Variants in TNXB observed in about 807,000 individuals in gnomAD.
TNXB encodes the protein tenascin XB, also known as tenascin-X.
A neutral mutation model predicts 340.5 loss-of-function variants in TNXB; 183 were observed. That is an observed-to-expected ratio of 0.54 (90% CI 0.48 to 0.61). TNXB has a LOEUF of 0.61. Ranked by LOEUF, TNXB falls within the 20% of genes least tolerant of loss-of-function variation. The pLI is 0.00. For synonymous variants in TNXB, 2,121 were observed against 2,314.5 expected, an observed-to-expected ratio of 0.92 and a Z score of 2.40; for missense variants, 4,613 against 5,446.4, an observed-to-expected ratio of 0.85 and a Z score of 4.82.
At position 32,056,051 on chromosome 6, in the gene TNXB, C is replaced by T; in HGVS notation, c.8267G>A (p.Trp2756Ter). ...GSSPDSLSLSWTIPQGHFDSF... is the reference protein window; with the variant it reads ...GSSPDSLSLS ...GTCGAAGTGGCCCTGGGGGATGGTC[C>T]AGGAGAGGCTCAGCGAGTCAGGGGA... is the stretch of plus-strand genomic sequence containing the variant. Residue 2756 changes from tryptophan to a stop codon, truncating the protein, a stop_gained, in exon 24 of 44, where the codon TGG (tryptophan) becomes TAG (stop). Coordinates refer to ENST00000644971, the MANE Select transcript of TNXB (RefSeq NM_001365276.2). LOFTEE classifies it high-confidence loss of function. 6.2e-7 allele frequency: 1 copy of T among 1,612,854 alleles called. No homozygotes were observed. Among genetic ancestry groups the T allele is most frequent in the Non-Finnish European group, 8.5e-7 (1 of 1,179,860 alleles).
chr6:32,069,015 C>T lies in TNXB; in HGVS notation c.5709G>A (p.Val1903=). ...TSHTLHLSWM[V]TEGEFDSFEI... ...CGAAGGAGTCAAATTCTCCCTCAGTCACCATCCAGGAGAGATGCAGGGTGT... is the reference window on the plus strand; with the variant it reads ...CGAAGGAGTCAAATTCTCCCTCAGTTACCATCCAGGAGAGATGCAGGGTGT... Residue 1903 remains valine (V), a synonymous_variant, in exon 16 of 44, where the codon GTG becomes GTA. Coordinates refer to ENST00000644971, the MANE Select transcript of TNXB (RefSeq NM_001365276.2). The surrounding 1 kb of genome is among the most constrained non-coding windows in gnomAD (Gnocchi z 6.2). The T allele has an allele frequency of 6.2e-7, 1 of 1,612,894 alleles. No homozygotes were observed.
chr6:32,104,904 T>A (rs888028270), intron 1 of TNXB, among the ~76,000 whole-genome samples: 1 of 152,220 alleles, frequency 6.6e-6, no homozygotes, highest in African/African-American at 2.4e-5. Flanking sequence ...CCCAATGTGC[T>A]GGGATTACAG....
In TNXB at chr6:32,046,596, C is replaced by T; in HGVS notation, c.10325-140G>A. ...ACAGCTCCTTGAGGAGACACACAGG[C>T]CTGCTCCCGCCATGCCCCACAGGAA... is the stretch of plus-strand genomic sequence containing the variant. On this transcript the variant is annotated intron_variant, in intron 30 of 43. Transcript: ENST00000644971. The surrounding 1 kb of genome is among the most constrained non-coding windows in gnomAD (Gnocchi z 6.9). 2 of 669,432 alleles carry T rather than the reference C, an allele frequency of 3.0e-6. No individual in the cohort carries two copies. The highest frequency in any genetic ancestry group is 4.7e-6 in the Non-Finnish European group (2 of 425,574). The allele number at this position is 669,432 out of a possible 1,614,324, so 41.5% of individuals were successfully genotyped here.
chr6:32,061,663 G>C lies in TNXB; in HGVS notation c.7226C>G (p.Pro2409Arg). 5 of 1,612,666 alleles carry C rather than the reference G, an allele frequency of 3.1e-6. No homozygotes were observed. The highest frequency in any genetic ancestry group is 4.2e-6 in the Non-Finnish European group (5 of 1,179,812). ...TAGCTCCCCCAGGAGCGGCTCCTCA[G>C]GGGGCTCCGGGGCCTCCATGCTGGG... ...TEPSMEAPEPPEEPLLGELTV... is the reference protein window; with the variant it reads ...TEPSMEAPEPREEPLLGELTV... The change falls in exon 21 of 44, where the codon CCT (proline) becomes CGT (arginine). Residue 2409 changes from proline (P) to arginine (R), a missense_variant. Pro to Arg is a moderately radical substitution (Grantham distance 103). Coordinates refer to ENST00000644971, the MANE Select transcript of TNXB (RefSeq NM_001365276.2). This position sits in a 1 kb window ranked among gnomAD's most constrained non-coding sequence, Gnocchi z 4.4.
Position 32,053,427 on chromosome 6 carries a change from C to T in TNXB, c.8752G>A (p.Gly2918Ser). 1 of 1,613,030 alleles carries T rather than the reference C, an allele frequency of 6.2e-7. No homozygotes were observed. The highest frequency in any genetic ancestry group is 8.5e-7 in the Non-Finnish European group (1 of 1,179,872). The change falls in exon 25 of 44, where the codon GGC becomes AGC. Residue 2918 changes from glycine (G) to serine (S), a missense_variant. This residue lies in a region of TNXB where 4,327 missense variants were observed against 4,859.4 expected (regional missense o/e 0.89). Coordinates refer to ENST00000644971, the MANE Select transcript of TNXB (RefSeq NM_001365276.2). ...ACAGAGATGGGGCCCACGCGCTGGC[C>T]ACCGTGGAAGCCGTACAGGTTCATC... is the stretch of plus-strand genomic sequence containing the variant. ...YKMNLYGFHGGQRVGPISVIG... is the reference protein window; with the variant it reads ...YKMNLYGFHGSQRVGPISVIG...
chr6:32,088,037 C>A (rs944890548), intron 6 of TNXB, among the ~76,000 whole-genome samples: 8 of 152,310 alleles, frequency 5.3e-5, no homozygotes, highest in African/African-American at 1.9e-4. Context: ...GCAGCTCCCT[C>A]CCGGCACTCC....
chr6:32,067,605 C>A lies in TNXB; in HGVS notation c.6544+56G>T. On this transcript the variant is annotated intron_variant, in intron 18 of 43. Transcript: ENST00000644971. This position sits in a 1 kb window ranked among gnomAD's most constrained non-coding sequence, Gnocchi z 4.2. Reference sequence around the variant, plus strand: ...TTCTGGGTCCCTAGTGGAGGAGATGCTGGAGGCTGTACTTTGCTAAGACCC... The same window carrying A: ...TTCTGGGTCCCTAGTGGAGGAGATGATGGAGGCTGTACTTTGCTAAGACCC... The A allele has an allele frequency of 6.3e-7, 1 of 1,575,022 alleles. No homozygotes were observed. The highest frequency in any genetic ancestry group is 8.6e-7 in the Non-Finnish European group (1 of 1,160,250).
rs992024565 is a variant in TNXB at position 32,097,655 on chromosome 6, C to T, written c.403+141G>A. ...TTGACATGTAGCCCAGCTCTGCTCT[C>T]CAAGTTGTGTTCTGGGCTGCATCCA... On this transcript the variant is annotated intron_variant, in intron 2 of 43. Transcript: ENST00000644971. This position sits in a 1 kb window ranked among gnomAD's most constrained non-coding sequence, Gnocchi z 5.9. 5.2e-6 allele frequency: 6 copies of T among 1,163,690 alleles called. No individual in the cohort carries two copies. Among genetic ancestry groups the T allele is most frequent in the African/African-American group, 1.5e-5 (1 of 64,580 alleles). The allele number at this position is 1,163,690 out of a possible 1,614,324, so 72.1% of individuals were successfully genotyped here.
rs1271298495 is a variant in TNXB at position 32,085,846 on chromosome 6, G to C, written c.3052C>G (p.Pro1018Ala). The change falls in exon 7 of 44, where the codon CCT (proline) becomes GCT (alanine). Residue 1018 changes from proline to alanine, a missense_variant. Pro to Ala is a conservative substitution (Grantham distance 27, BLOSUM62 -1). Transcript: ENST00000644971. The surrounding 1 kb of genome is among the most constrained non-coding windows in gnomAD (Gnocchi z 6.4). ...LPGDVRQALV[P>A]PPPPGTPYEL... ...TACGGGGTTCCAGGAGGGGGTGGAG[G>C]CACCAGAGCCTGGCGGACGTCCCCT... The C allele has an allele frequency of 2.5e-6, 4 of 1,607,302 alleles. No homozygotes were observed. The highest frequency in any genetic ancestry group is 3.4e-6 in the Non-Finnish European group (4 of 1,177,808).
In TNXB at chr6:32,043,780, C is replaced by T. The variant is rs775287015; in HGVS notation, c.11499G>A (p.Glu3833=). 5 of 1,613,514 alleles carry T rather than the reference C, an allele frequency of 3.1e-6. No individual in the cohort carries two copies. The highest frequency in any genetic ancestry group is 4.2e-6 in the Non-Finnish European group (5 of 1,180,026). The change falls in exon 35 of 44, where the codon GAG becomes GAA. Residue 3833 remains glutamate (E), a synonymous_variant. Transcript: ENST00000644971. The stretch of plus-strand genomic sequence containing the variant: ...TGAGGAAGCCTGTGAGAGGCTCACT[C>T]TCCTCAAAGCCTCGGACCGAGACCA... ...VTVVSVRGFE[E]SEPLTGFLTT... is the part of the protein sequence containing the mutation.
In TNXB at chr6:32,082,187, G is replaced by A. The variant is rs1779504022; in HGVS notation, c.3585C>T (p.Asp1195=). 1.2e-6 allele frequency: 2 copies of A among 1,612,626 alleles called. No individual in the cohort carries two copies. Among genetic ancestry groups the A allele is most frequent in the Non-Finnish European group, 1.7e-6 (2 of 1,179,638 alleles). ...QFDTFMVQYR[D]RDGRPQVVPV... ...GTACCACCTGGGGCCGTCCATCCCT[G>A]TCCCTGTACTGGACCATGAAGGTGT... Residue 1195 remains aspartate, a synonymous_variant, in exon 9 of 44, where the codon GAC becomes GAT. Coordinates refer to ENST00000644971, the MANE Select transcript of TNXB (RefSeq NM_001365276.2). The surrounding 1 kb of genome is among the most constrained non-coding windows in gnomAD (Gnocchi z 5.0).
chr6:32,091,940 T>C (rs771597897), intron 4 of TNXB, among the ~76,000 whole-genome samples: 1 of 152,174 alleles, frequency 6.6e-6, no homozygotes, highest in African/African-American at 2.4e-5. Flanking sequence ...AGGTTTTGAG[T>C]CCCAGTGAAC....
Position 32,108,738 on chromosome 6 carries a change from G to C in TNXB, c.-9+443C>G, listed in dbSNP as rs1582503084. The stretch of plus-strand genomic sequence containing the variant: ...CCAGAGCCTGGGCTCAGCTGCTCTA[G>C]CCCGACATTTGGGATTCCGCAAGCA... On this transcript the variant is annotated intron_variant, in intron 1 of 43. Coordinates refer to ENST00000644971, the MANE Select transcript of TNXB (RefSeq NM_001365276.2). This position sits in a 1 kb window ranked among gnomAD's most constrained non-coding sequence, Gnocchi z 4.8. Among the ~76,000 whole-genome samples, 1 of 152,250 alleles carries C rather than the reference G, an allele frequency of 6.6e-6. No homozygotes were observed. Among genetic ancestry groups the C allele is most frequent in the East Asian group, 1.9e-4 (1 of 5,170 alleles).
Position 32,058,066 on chromosome 6 carries a change from C to T in TNXB, c.7817G>A (p.Gly2606Asp), listed in dbSNP as rs1309384829. The T allele has an allele frequency of 1.2e-6, 2 of 1,609,104 alleles. No homozygotes were observed. The highest frequency in any genetic ancestry group is 1.7e-6 in the Non-Finnish European group (2 of 1,177,758). The change falls in exon 22 of 44, where the codon GGC (glycine) becomes GAC (aspartate). Residue 2606 changes from glycine (G) to aspartate (D), a missense_variant. Around this residue, in one of 7 missense-constraint regions of TNXB, gnomAD observed 4,327 missense variants for 4,859.4 expected, o/e 0.89. Transcript: ENST00000644971. The surrounding 1 kb of genome is among the most constrained non-coding windows in gnomAD (Gnocchi z 5.1). ...GRRLGPVSAVGVTEDEAETTQ... is the reference protein window; with the variant it reads ...GRRLGPVSAVDVTEDEAETTQ... ...CACCCACACTCACTCACCTGTGACG[C>T]CCACGGCAGACACCGGGCCCAGGCG... is the stretch of plus-strand genomic sequence containing the variant.
chr6:32,046,039 T>G lies in TNXB; in HGVS notation c.10606+136A>C, dbSNP rs1365839739. The G allele has an allele frequency of 8.4e-6, 12 of 1,427,268 alleles. No homozygotes were observed. The highest frequency in any genetic ancestry group is 9.1e-6 in the Non-Finnish European group (10 of 1,094,528). 88.4% of individuals were successfully genotyped at this position (1,427,268 alleles called of 1,614,324 possible). On this transcript the variant is annotated intron_variant, in intron 31 of 43. Transcript: ENST00000644971. The surrounding 1 kb of genome is among the most constrained non-coding windows in gnomAD (Gnocchi z 6.9). ...TGTTGAAGCCCACAGGGCTGCAGAC[T>G]CCTCCTCCTTCCTGGGGACAGGCCA... is the stretch of plus-strand genomic sequence containing the variant.
intron 11 of TNXB, among the ~76,000 whole-genome samples, chr6:32,078,136 A>AAGAAAAG: frequency 6.6e-6 from 1 of 151,008 alleles, no homozygotes; most frequent in Non-Finnish European, 1.5e-5. Flanking sequence ...AGAAAGAAAA[A>AAGAAAAG]GAGAGAAAGA....
Position 32,075,449 on chromosome 6 carries a change from C to G in TNXB, c.4376-1497G>C, listed in dbSNP as rs1197514429. Among the ~76,000 whole-genome samples, 1 of 152,232 alleles carries G rather than the reference C, an allele frequency of 6.6e-6. No individual in the cohort carries two copies. Among genetic ancestry groups the G allele is most frequent in the African/African-American group, 2.4e-5 (1 of 41,458 alleles). On this transcript the variant is annotated intron_variant, in intron 11 of 43. Coordinates refer to ENST00000644971, the MANE Select transcript of TNXB (RefSeq NM_001365276.2). The surrounding 1 kb of genome is among the most constrained non-coding windows in gnomAD (Gnocchi z 4.6). ...TCTCTGCATTTGCTCTTCCTTCTGT[C>G]TGGGATGCTCTTTCCCCAAAGGCCT...
In TNXB at chr6:32,083,420, A is replaced by G. The variant is rs7768614; in HGVS notation, c.3445+993T>C. On this transcript the variant is annotated intron_variant, in intron 8 of 43. Coordinates refer to ENST00000644971, the MANE Select transcript of TNXB (RefSeq NM_001365276.2). The surrounding 1 kb of genome is among the most constrained non-coding windows in gnomAD (Gnocchi z 4.6). ...TGGGGTGTGATGATCCACTTAGAGA[A>G]CATCTTGATCACAACTGACTCTCAA... is the stretch of plus-strand genomic sequence containing the variant. Among the ~76,000 whole-genome samples, 1,457 of 152,308 alleles carry G rather than the reference A, an allele frequency of 9.6e-3. 25 individuals are homozygous for G. Among genetic ancestry groups the G allele is most frequent in the African/African-American group, 0.033 (1,390 of 41,550 alleles).
chr6:32,046,389 A>C lies in TNXB; in HGVS notation c.10392T>G (p.Ser3464=). 6.9e-6 allele frequency: 11 copies of C among 1,591,642 alleles called. No individual in the cohort carries two copies. Among genetic ancestry groups the C allele is most frequent in the Non-Finnish European group, 9.4e-6 (11 of 1,166,182 alleles). ...GGGCTACCGTCCAGGACAGGCGCAG[A>C]GAGCTGGAGGTCTCCTCAGCCACGG... ...ELTVAEETSS[S]LRLSWTVAQG... is the part of the protein sequence containing the mutation. The change falls in exon 31 of 44, where the codon TCT becomes TCG. Residue 3464 remains serine (S), a synonymous_variant. Coordinates refer to ENST00000644971, the MANE Select transcript of TNXB (RefSeq NM_001365276.2). The surrounding 1 kb of genome is among the most constrained non-coding windows in gnomAD (Gnocchi z 6.9).
Sources: gnomAD v4.1 joint callset for allele counts (sites outside exome capture counted in the v4.1 genomes callset) on GRCh38, gnomAD v4.1.1 for gene constraint, gnomAD v4.1.1 regional missense constraint, Gnocchi (gnomAD v3.1) non-coding constraint, MANE v1.5 for transcripts, NCBI Gene and HGNC (gene_info 2026-07-23, HGNC 2026-07-21) for gene names.